Variants in ICA1 observed in about 807,000 individuals in gnomAD.
ICA1 encodes the protein islet cell autoantigen 1.
A neutral mutation model predicts 71.0 loss-of-function variants in ICA1; 40 were observed. That is an observed-to-expected ratio of 0.56 (90% CI 0.44 to 0.73). The LOEUF is 0.73. Ranked by LOEUF, ICA1 falls within the 30% of genes least tolerant of loss-of-function variation. The probability of loss-of-function intolerance (pLI) is 0.00; values close to 1 mark genes in which losing one functional copy is unlikely to be tolerated. For missense variants in ICA1, 578 were observed against 576.5 expected (o/e 1.00, Z -0.03); for synonymous variants, 207 against 209.5 (o/e 0.99, Z 0.10).
intron 6 of ICA1, among the ~76,000 whole-genome samples, chr7:8,196,340 C>T (rs1787557551): frequency 6.6e-6 from 1 of 152,126 alleles, no homozygotes; most frequent in East Asian, 1.9e-4. Context: ...CAGTGCTTGC[C>T]AGGCGCTCAG....
chr7:8,200,164 G>A (rs1222631184), intron 6 of ICA1, among the ~76,000 whole-genome samples: 2 of 151,342 alleles, frequency 1.3e-5, no homozygotes, highest in Admixed American at 6.6e-5. Context: ...AAAACATCTC[G>A]GGTACCTCAT....
At chr7:8,178,884 C>A (rs549379331) in intron 6 of ICA1, among the ~76,000 whole-genome samples, 1 of 152,260 alleles carries the variant, frequency 6.6e-6, no homozygotes, top group East Asian at 1.9e-4. Context: ...GCATGATGAC[C>A]AGGTGCTCTT....
In ICA1 at chr7:8,158,613, T is replaced by C. The variant is rs761918023; in HGVS notation, c.619A>G (p.Lys207Glu). The change falls in exon 7 of 14, where the codon AAA becomes GAA. Residue 207 changes from lysine to glutamate, a missense_variant. Transcript: ENST00000402384. ...QVRLAKKNFD[K>E]LKMDVCQKVD... ...TTTTGACAAACATCCATCTTCAATTTGTCAAAGTTTTTTTTTGCAAGGCGC... is the reference window on the plus strand; with the variant it reads ...TTTTGACAAACATCCATCTTCAATTCGTCAAAGTTTTTTTTTGCAAGGCGC... 2.5e-6 allele frequency: 4 copies of C among 1,614,146 alleles called. No individual in the cohort carries two copies. Among genetic ancestry groups the C allele is most frequent in the Non-Finnish European group, 3.4e-6 (4 of 1,179,996 alleles).
intron 5 of ICA1, among the ~76,000 whole-genome samples, chr7:8,220,778 C>A (rs1188602916): frequency 6.6e-6 from 1 of 152,104 alleles, no homozygotes; most frequent in Non-Finnish European, 1.5e-5. Context: ...TGGGGTAGGG[C>A]CTACATTCTG....
At chr7:8,146,393 A>C (rs1796906497) in intron 8 of ICA1, among the ~76,000 whole-genome samples, 1 of 152,190 alleles carries the variant, frequency 6.6e-6, no homozygotes, top group African/African-American at 2.4e-5. Context: ...ATGCCACTGG[A>C]GCTGCCGTAT....
At chr7:8,212,625 C>T (rs928427090) in intron 6 of ICA1, among the ~76,000 whole-genome samples, 1 of 152,160 alleles carries the variant, frequency 6.6e-6, no homozygotes, top group African/African-American at 2.4e-5. Context: ...GCTCAGCAAT[C>T]ACCTTCAGTG....
At chr7:8,244,338 G>T (rs1466912136) in intron 1 of ICA1, among the ~76,000 whole-genome samples, 1 of 152,168 alleles carries the variant, frequency 6.6e-6, no homozygotes, top group African/African-American at 2.4e-5. Flanking sequence ...ATGGTGCTGG[G>T]AAAACTGGCT....
At chr7:8,225,005 T>G (rs1798179088) in intron 4 of ICA1, among the ~76,000 whole-genome samples, 1 of 152,214 alleles carries the variant, frequency 6.6e-6, no homozygotes, top group Non-Finnish European at 1.5e-5. Context: ...CTCAACCACT[T>G]GGTTAAGGAG....
At position 8,144,083 on chromosome 7, in the gene ICA1, A is replaced by G. The variant is rs1432996009; in HGVS notation, c.805-111T>C. On this transcript the variant is annotated intron_variant, in intron 8 of 13. Coordinates refer to ENST00000402384, the MANE Select transcript of ICA1 (RefSeq NM_001136020.3). The surrounding 1 kb of genome is among the most constrained non-coding windows in gnomAD (Gnocchi z 4.5). ...AAAAAATTCAACTGCCATTTGTCCC[A>G]GCAACCAAACTTTGAATTACAGGTA... 1 of 658,578 alleles carries G rather than the reference A, an allele frequency of 1.5e-6. No homozygotes were observed. The highest frequency in any genetic ancestry group is 2.6e-6 in the Non-Finnish European group (1 of 385,546). 40.8% of individuals were successfully genotyped at this position (658,578 alleles called of 1,614,324 possible). A position where few individuals can be genotyped will look rare whatever the true frequency, so the allele number is the denominator to read the frequency against.
intron 6 of ICA1, among the ~76,000 whole-genome samples, chr7:8,195,214 C>T (rs192008243): frequency 2.0e-5 from 3 of 152,310 alleles, no homozygotes; most frequent in Non-Finnish European, 2.9e-5. Flanking sequence ...AAAATACTGA[C>T]ATCAAATGCT....
In ICA1 at chr7:8,234,315, TG is replaced by T. The variant is rs1200242696; in HGVS notation, c.18-1561del. On this transcript the variant is annotated intron_variant, in intron 2 of 13. Transcript: ENST00000402384. The surrounding 1 kb of genome is among the most constrained non-coding windows in gnomAD (Gnocchi z 4.5). ...GTGATTGGAGTACCCCAAATATGGC[TG>T]GAAAGTTTGCTGATGGAGTTCCATC... Among the ~76,000 whole-genome samples the T allele has an allele frequency of 2.0e-5, 3 of 152,216 alleles. No homozygotes were observed. Among genetic ancestry groups the T allele is most frequent in the African/African-American group, 7.2e-5 (3 of 41,472 alleles).
At chr7:8,257,234 G>C (rs542456582) in intron 1 of ICA1, among the ~76,000 whole-genome samples, 1 of 152,336 alleles carries the variant, frequency 6.6e-6, no homozygotes, top group Non-Finnish European at 1.5e-5. Flanking sequence ...TGACTAAGGA[G>C]AGGGGCACTA....
intron 13 of ICA1, among the ~76,000 whole-genome samples, chr7:8,118,014 T>C (rs953871716): frequency 1.3e-5 from 2 of 152,250 alleles, no homozygotes; most frequent in Non-Finnish European, 2.9e-5. Context: ...GTGCACTGAA[T>C]GCTACACAAT....
intron 6 of ICA1, among the ~76,000 whole-genome samples, chr7:8,172,397 A>C (rs1299650884): frequency 1.3e-5 from 2 of 152,064 alleles, no homozygotes; most frequent in South Asian, 4.1e-4. Flanking sequence ...GCCACTTCAG[A>C]TTTCTTTTGA....
At chr7:8,174,110 G>A (rs1779730590) in intron 6 of ICA1, among the ~76,000 whole-genome samples, 1 of 152,086 alleles carries the variant, frequency 6.6e-6, no homozygotes. Flanking sequence ...GATCTCAGGG[G>A]GAAGAAGACT....
At chr7:8,219,187 A>C (rs1583389237) in intron 5 of ICA1, among the ~76,000 whole-genome samples, 1 of 152,314 alleles carries the variant, frequency 6.6e-6, no homozygotes, top group East Asian at 1.9e-4. Context: ...TTACCCAGCC[A>C]AAAAACATTT....
Position 8,115,449 on chromosome 7 carries a change from G to A in ICA1, c.1331-1405C>T, listed in dbSNP as rs566431267. On this transcript the variant is annotated intron_variant, in intron 13 of 13. Coordinates refer to ENST00000402384, the MANE Select transcript of ICA1 (RefSeq NM_001136020.3). ...GAGGATATCAAAATATCTTAAAGAC[G>A]ACTCTAGTGAAAAGATGCTACATGC... Among the ~76,000 whole-genome samples, 16 of 152,202 alleles carry A rather than the reference G, an allele frequency of 1.1e-4. No homozygotes were observed. In the South Asian group the frequency reaches 1.7e-3, roughly 16 times the overall value.
At chr7:8,127,818 A>G in intron 13 of ICA1, 55 bp downstream of exon 13, 1 of 1,518,156 alleles carries the variant, frequency 6.6e-7, no homozygotes, top group South Asian at 1.3e-5. Flanking sequence ...TTTTGGATTG[A>G]AAACAAAAAG....
chr7:8,199,389 A>C (rs1206694046), intron 6 of ICA1, among the ~76,000 whole-genome samples: 1 of 152,204 alleles, frequency 6.6e-6, no homozygotes, highest in East Asian at 1.9e-4. Flanking sequence ...GTACTTATAC[A>C]CAATAGAGTA....
Sources: gnomAD v4.1 joint callset for allele counts (sites outside exome capture counted in the v4.1 genomes callset) on GRCh38, gnomAD v4.1.1 for gene constraint, Gnocchi (gnomAD v3.1) non-coding constraint, MANE v1.5 for transcripts, NCBI Gene and HGNC (gene_info 2026-07-23, HGNC 2026-07-21) for gene names.